SLC66A3: variants seen among roughly 807,000 people sequenced by gnomAD.
SLC66A3 encodes PQ loop repeat containing 3.
Under a neutral mutation model 25.5 loss-of-function variants are expected in SLC66A3, and 23 were observed. That is an observed-to-expected ratio of 0.90 (90% CI 0.65 to 1.28). SLC66A3 has a LOEUF of 1.28. Ranked by LOEUF, SLC66A3 falls within the 50% of genes most tolerant of loss-of-function variation. The pLI is 0.00. For synonymous variants in SLC66A3, 108 were observed against 112.6 expected (o/e 0.96, Z 0.26); for missense variants, 246 against 262.1 (o/e 0.94, Z 0.42).
chr2:11,171,076 G>A (rs1243130321), intron 4 of SLC66A3, among the ~76,000 whole-genome samples: 1 of 152,102 alleles, frequency 6.6e-6, no homozygotes, highest in East Asian at 1.9e-4. Flanking sequence ...CCAACATTTT[G>A]GGAGGCTGAG....
chr2:11,169,362 G>A (rs1378823355), intron 4 of SLC66A3, among the ~76,000 whole-genome samples: 2 of 152,218 alleles, frequency 1.3e-5, no homozygotes, highest in African/African-American at 2.4e-5. Context: ...TGTTCCCCAT[G>A]AGCTTTCCTT....
intron 6 of SLC66A3, among the ~76,000 whole-genome samples, chr2:11,176,525 CTTTTT>C (rs775778444): frequency 4.6e-5 from 4 of 87,306 alleles, no homozygotes; most frequent in African/African-American, 8.4e-5. Context: ...CTGGGAATAA[CTTTTT>C]TTTTTTTTTT....
At chr2:11,173,322 A>G (rs1662619154) in intron 5 of SLC66A3, among the ~76,000 whole-genome samples, 1 of 152,156 alleles carries the variant, frequency 6.6e-6, no homozygotes, top group Non-Finnish European at 1.5e-5. Context: ...GTCTGTTCAC[A>G]TGGTTTGCCC....
In SLC66A3 at chr2:11,155,497, G is replaced by A; in HGVS notation, c.-50G>A. On this transcript the variant is annotated 5_prime_UTR_variant, in exon 1 of 7. Transcript: ENST00000295083. ...TCGGCAGAGCTGCGCCGCCGAGGCT[G>A]AGCGGTCCCTTCTCGCTGCGGCCGC... 6.9e-7 allele frequency: 1 copy of A among 1,452,504 alleles called. No homozygotes were observed. Among genetic ancestry groups the A allele is most frequent in the South Asian group, 1.3e-5 (1 of 74,334 alleles). The allele number at this position is 1,452,504 out of a possible 1,614,324, so 90.0% of individuals were successfully genotyped here. A position where few individuals can be genotyped will look rare whatever the true frequency, so the allele number is the denominator to read the frequency against.
chr2:11,160,457 T>C lies in SLC66A3; in HGVS notation c.144-9T>C. 1 of 1,613,882 alleles carries C rather than the reference T, an allele frequency of 6.2e-7. No individual in the cohort carries two copies. The highest frequency in any genetic ancestry group is 1.7e-5 in the Admixed American group (1 of 60,016). On this transcript the variant is annotated splice_polypyrimidine_tract_variant and intron_variant, in intron 1 of 6. Coordinates refer to ENST00000295083, the MANE Select transcript of SLC66A3 (RefSeq NM_152391.5). ...GCAGCCGTGTGGACATGTGCCCTTC[T>C]CTCTCCAGATTCCTGGTGTTTCTGC...
In SLC66A3 at chr2:11,178,823, G is replaced by C. The variant is rs1254259742; in HGVS notation, c.*995G>C. On this transcript the variant is annotated 3_prime_UTR_variant, in exon 7 of 7. Coordinates refer to ENST00000295083, the MANE Select transcript of SLC66A3 (RefSeq NM_152391.5). ...GTAATGATGTTTACCAGAGATTATT[G>C]TTTCCTATGCAAAATAAATTTTCAT... The C allele has an allele frequency of 6.6e-6, 1 of 151,990 alleles. No homozygotes were observed. The highest frequency in any genetic ancestry group is 6.5e-5 in the Admixed American group (1 of 15,268). The allele number at this position is 151,990 out of a possible 1,614,324, so 9.4% of individuals were successfully genotyped here. A position where few individuals can be genotyped will look rare whatever the true frequency, so the allele number is the denominator to read the frequency against.
intron 1 of SLC66A3, among the ~76,000 whole-genome samples, chr2:11,158,735 G>A (rs567678003): frequency 6.6e-6 from 1 of 151,994 alleles, no homozygotes; most frequent in Non-Finnish European, 1.5e-5. Context: ...CAGGAGAACC[G>A]CTGGAACCCG....
chr2:11,160,869 G>A (rs1363895481), intron 3 of SLC66A3, 175 bp downstream of exon 3: 3 of 1,055,512 alleles, frequency 2.8e-6, no homozygotes, highest in African/African-American at 1.6e-5. Flanking sequence ...CCTCAGTACA[G>A]CCCCTGCTGC....
chr2:11,162,504 G>C (rs1342292797), intron 3 of SLC66A3, among the ~76,000 whole-genome samples: 6 of 152,230 alleles, frequency 3.9e-5, no homozygotes, highest in African/African-American at 1.4e-4. Flanking sequence ...TGCTGATGGC[G>C]AGTCTGTAGT....
intron 1 of SLC66A3, among the ~76,000 whole-genome samples, chr2:11,157,694 A>G (rs1661956401): frequency 6.6e-6 from 1 of 152,252 alleles, no homozygotes; most frequent in South Asian, 2.1e-4. Context: ...GCACTGAGTC[A>G]ATTGGAGCAT....
In SLC66A3 at chr2:11,155,487, C is replaced by T. The variant is rs1251362938; in HGVS notation, c.-60C>T. ...GCGGAAGGCTTCGGCAGAGCTGCGC[C>T]GCCGAGGCTGAGCGGTCCCTTCTCG... On this transcript the variant is annotated 5_prime_UTR_variant, in exon 1 of 7. Transcript: ENST00000295083. 5.6e-6 allele frequency: 8 copies of T among 1,419,834 alleles called. No homozygotes were observed. The highest frequency in any genetic ancestry group is 6.4e-6 in the Non-Finnish European group (7 of 1,094,510). 88.0% of individuals were successfully genotyped at this position (1,419,834 alleles called of 1,614,324 possible).
chr2:11,170,734 G>T (rs1315567459), intron 4 of SLC66A3, among the ~76,000 whole-genome samples: 1 of 151,092 alleles, frequency 6.6e-6, no homozygotes, highest in Non-Finnish European at 1.5e-5. Context: ...GATTACAGGC[G>T]CCCGCCACTA....
chr2:11,162,483 A>G (rs1215890968), intron 3 of SLC66A3, among the ~76,000 whole-genome samples: 1 of 152,266 alleles, frequency 6.6e-6, no homozygotes, highest in Non-Finnish European at 1.5e-5. Context: ...GGGAGATACC[A>G]CATGGCTGGA....
intron 6 of SLC66A3, among the ~76,000 whole-genome samples, chr2:11,176,909 C>T: frequency 6.6e-6 from 1 of 152,094 alleles, no homozygotes; most frequent in Non-Finnish European, 1.5e-5. Context: ...TCTCATTAAA[C>T]CTATTTATCA....
intron 1 of SLC66A3, among the ~76,000 whole-genome samples, chr2:11,160,037 C>T (rs1200323251): frequency 1.3e-5 from 2 of 152,196 alleles, no homozygotes; most frequent in African/African-American, 2.4e-5. Flanking sequence ...CGGATCCTTG[C>T]GCCTCTGCAG....
Position 11,165,962 on chromosome 2 carries a change from G to A in SLC66A3, c.354+1701G>A, listed in dbSNP as rs993326675. ...GGAGGTTGCAGTGAGCCGAGATGGC[G>A]GCAGTCCAGTCCAGCTTCGGCTCGG... On this transcript the variant is annotated intron_variant, in intron 4 of 6. Transcript: ENST00000295083. 5.9e-5 allele frequency among the ~76,000 whole-genome samples: 9 copies of A among 152,352 alleles called. No homozygotes were observed. In the South Asian group the frequency reaches 8.3e-4, roughly 14 times the overall value.
chr2:11,157,515 C>T (rs976051440), intron 1 of SLC66A3, among the ~76,000 whole-genome samples: 9 of 150,644 alleles, frequency 6.0e-5, no homozygotes, highest in African/African-American at 2.0e-4. Context: ...CTGGGAGGCC[C>T]ACCTGGGGCT....
At chr2:11,174,574 G>C (rs1385008480) in intron 5 of SLC66A3, among the ~76,000 whole-genome samples, 1 of 152,062 alleles carries the variant, frequency 6.6e-6, no homozygotes, top group Non-Finnish European at 1.5e-5. Flanking sequence ...TCAGCTCACT[G>C]CAACCTTTGC....
rs143171653 is a variant in SLC66A3 at position 11,167,695 on chromosome 2, A to C, written c.354+3434A>C. On this transcript the variant is annotated intron_variant, in intron 4 of 6. Coordinates refer to ENST00000295083, the MANE Select transcript of SLC66A3 (RefSeq NM_152391.5). ...CCTCACGCACCTGCTCTGAGGTACC[A>C]GGGTCCGGGGCACAAGGTGGCCCAG... Among the ~76,000 whole-genome samples, 1,036 of 152,236 alleles carry C rather than the reference A, an allele frequency of 6.8e-3. 4 individuals carry two copies. The highest frequency in any genetic ancestry group is 0.011 in the Non-Finnish European group (719 of 68,014).
Sources: allele counts gnomAD v4.1 joint callset (sites outside exome capture counted in the v4.1 genomes callset), GRCh38; gene constraint gnomAD v4.1.1; transcripts MANE v1.5; gene names NCBI Gene and HGNC (gene_info 2026-07-23, HGNC 2026-07-21).